The following CNKSR2 variants were observed in gnomAD, a reference collection of about 807,000 sequenced individuals.
CNKSR2 encodes CNK homolog protein 2.
In CNKSR2, 14 loss-of-function variants were observed where a neutral mutation model predicts 84.4. The ratio of observed to expected loss-of-function variants is 0.17; its 90% confidence interval spans 0.11 to 0.26. The LOEUF (loss-of-function observed/expected upper bound fraction) is 0.26, where lower values mean the gene tolerates loss of function less well. Ranked by LOEUF, CNKSR2 falls within the 10% of genes least tolerant of loss-of-function variation. The pLI is 1.00. For synonymous variants in CNKSR2, 275 were observed against 277.9 expected (o/e 0.99, Z 0.10); for missense variants, 485 against 771.2 (o/e 0.63, Z 4.40).
intron 20 of CNKSR2, chrX:21,645,086 C>A (rs529455073): frequency 9.0e-6 from 1 of 111,450 alleles, no homozygotes; most frequent in South Asian, 3.8e-4. Context: ...TCATAGGCAA[C>A]CTGAAAAAGA....
chrX:21,606,855 T>C lies in CNKSR2; in HGVS notation c.2121T>C (p.Tyr707=). The C allele has an allele frequency of 8.5e-7, 1 of 1,181,316 alleles. No homozygotes were observed. The highest frequency in any genetic ancestry group is 1.1e-6 in the Non-Finnish European group (1 of 871,389). ...TPKQDSPPPP[Y]DTYPRPPSMS... is the part of the protein sequence containing the mutation. The stretch of plus-strand genomic sequence containing the variant: ...AACAAGATAGCCCTCCACCCCCATA[T>C]GATACATACCCACGACCTCCCTCGG... Residue 707 remains tyrosine (Y), a synonymous_variant, in exon 19 of 22, where the codon TAT becomes TAC. Transcript: ENST00000379510.
intron 11 of CNKSR2, among the ~76,000 whole-genome samples, chrX:21,539,502 G>GT (rs11437274): frequency 0.16 from 17,048 of 108,970 alleles, 3,220 homozygotes; most frequent in African/African-American, 0.53. Context: ...ATTTCATACA[G>GT]TTTTTTTTTC....
chrX:21,474,859 T>C (rs1228619463), intron 5 of CNKSR2, among the ~76,000 whole-genome samples: 1 of 112,201 alleles, frequency 8.9e-6, no homozygotes, highest in East Asian at 2.8e-4. Context: ...AAAAAAGCAG[T>C]GTATTTATAG....
intron 9 of CNKSR2, among the ~76,000 whole-genome samples, chrX:21,524,830 T>C (rs2091819222): frequency 9.0e-6 from 1 of 111,125 alleles, no homozygotes; most frequent in South Asian, 3.7e-4. Flanking sequence ...TTTAAATGCT[T>C]ATGTTTTTAG....
intron 4 of CNKSR2, among the ~76,000 whole-genome samples, chrX:21,458,526 C>T (rs2091021143): frequency 8.9e-6 from 1 of 112,001 alleles, no homozygotes; most frequent in Non-Finnish European, 1.9e-5. Context: ...AGTCCCTCTC[C>T]CCTATGGAAA....
In CNKSR2 at chrX:21,501,558, T is replaced by C; in HGVS notation, c.780T>C (p.Asp260=). Reference sequence around the variant, plus strand: ...GGTGCAAGAAAATCCATGCTGGCGATGAAGTGATTCAAGTTAATCATCAGA... The same window carrying C: ...GGTGCAAGAAAATCCATGCTGGCGACGAAGTGATTCAAGTTAATCATCAGA... ...ADRCKKIHAG[D]EVIQVNHQTV... is the part of the protein sequence containing the mutation. The change falls in exon 8 of 22, where the codon GAT becomes GAC. Residue 260 remains aspartate, a synonymous_variant. Transcript: ENST00000379510. 8.5e-7 allele frequency: 1 copy of C among 1,171,614 alleles called. No individual in the cohort carries two copies.
chrX:21,504,301 TATA>T (rs761403811), intron 8 of CNKSR2: 1 of 111,694 alleles, frequency 9.0e-6, no homozygotes, highest in African/African-American at 3.2e-5. Flanking sequence ...TTGGTTATGA[TATA>T]ATAGTTACAT....
At chrX:21,572,479 A>T (rs375860763) in intron 13 of CNKSR2, among the ~76,000 whole-genome samples, 1 of 112,041 alleles carries the variant, frequency 8.9e-6, no homozygotes, top group Admixed American at 9.5e-5. Flanking sequence ...TGCTATAAGG[A>T]CATACTCAAG....
Position 21,374,666 on chromosome X carries a change from G to C in CNKSR2, c.-232G>C. 1.9e-6 allele frequency: 1 copy of C among 513,649 alleles called. No homozygotes were observed. Among genetic ancestry groups the C allele is most frequent in the South Asian group, 2.6e-5 (1 of 39,061 alleles). 42.3% of individuals were successfully genotyped at this position (513,649 alleles called of 1,213,427 possible). On this transcript the variant is annotated 5_prime_UTR_variant, in exon 1 of 22. Transcript: ENST00000379510. ...CCGCCGCCTTAGCGGGAACTGAGCA[G>C]ACCCGGCGCGGAGCCACGACTCCTG...
chrX:21,419,864 A>G (rs918523015), intron 1 of CNKSR2, among the ~76,000 whole-genome samples: 1 of 111,889 alleles, frequency 8.9e-6, no homozygotes, highest in Non-Finnish European at 1.9e-5. Flanking sequence ...ACAGCACTAC[A>G]TCTTGCTCAA....
chrX:21,591,689 T>C (rs2092421548), intron 15 of CNKSR2: 2 of 110,376 alleles, frequency 1.8e-5, no homozygotes, highest in African/African-American at 6.6e-5. Flanking sequence ...TCTGCAAGTA[T>C]TCATTTCACT....
chrX:21,444,286 G>A (rs2090822821), intron 4 of CNKSR2, among the ~76,000 whole-genome samples: 1 of 111,093 alleles, frequency 9.0e-6, no homozygotes, highest in Non-Finnish European at 1.9e-5. Flanking sequence ...ATTGATTATA[G>A]ATATTATATT....
rs185004768 is a variant in CNKSR2, at chrX:21,524,269, A to G, written c.958-2598A>G. The stretch of plus-strand genomic sequence containing the variant: ...AATAAAATAACAAGCCAGATGAGTT[A>G]AGCAATAGGATTGACTAATTTCTTT... On this transcript the variant is annotated intron_variant, in intron 9 of 21. Transcript: ENST00000379510. Among the ~76,000 whole-genome samples the G allele has an allele frequency of 2.5e-4, 28 of 111,270 alleles. No individual in the cohort carries two copies. In the East Asian group the frequency reaches 7.9e-3, roughly 31 times the overall value.
chrX:21,647,408 A>G (rs2092709291), intron 20 of CNKSR2, among the ~76,000 whole-genome samples: 1 of 112,142 alleles, frequency 8.9e-6, no homozygotes, highest in Non-Finnish European at 1.9e-5. Flanking sequence ...ATAGTTTTAG[A>G]TACAGTCATT....
At chrX:21,641,698 T>C in intron 20 of CNKSR2, 10 of 1,094,724 alleles carry the variant, frequency 9.1e-6, no homozygotes, top group South Asian at 2.5e-5. Flanking sequence ...TGCAAGCAAC[T>C]AAAATGGCCT....
Position 21,374,739 on chromosome X carries a change from C to G in CNKSR2, c.-159C>G, listed in dbSNP as rs2089780567. Reference sequence around the variant, plus strand: ...TTCCTGCCGGCGGTTGGCTAAAAGACGTTACAGCCGCGAGACCCGACACAC... The same window carrying G: ...TTCCTGCCGGCGGTTGGCTAAAAGAGGTTACAGCCGCGAGACCCGACACAC... On this transcript the variant is annotated 5_prime_UTR_variant, in exon 1 of 22. Transcript: ENST00000379510. 3 of 516,350 alleles carry G rather than the reference C, an allele frequency of 5.8e-6. No homozygotes were observed. The highest frequency in any genetic ancestry group is 1.0e-5 in the Non-Finnish European group (3 of 288,064). 42.6% of individuals were successfully genotyped at this position (516,350 alleles called of 1,213,427 possible).
intron 4 of CNKSR2, among the ~76,000 whole-genome samples, chrX:21,446,990 A>C (rs781688163): frequency 9.0e-6 from 1 of 111,435 alleles, no homozygotes; most frequent in East Asian, 2.8e-4. Context: ...CTCCCATTTC[A>C]TCAGCTTGCC....
At chrX:21,593,426 T>G in intron 15 of CNKSR2, 1 of 111,577 alleles carries the variant, frequency 9.0e-6, no homozygotes, top group Non-Finnish European at 1.9e-5. Flanking sequence ...CGAGAACTCT[T>G]TTTTTCCTCT....
intron 20 of CNKSR2, among the ~76,000 whole-genome samples, chrX:21,625,565 T>C (rs1254229038): frequency 8.9e-6 from 1 of 112,174 alleles, no homozygotes; most frequent in Non-Finnish European, 1.9e-5. Context: ...AGATTTTGTC[T>C]TACCTCATCT....
Sources: allele counts gnomAD v4.1 joint callset (sites outside exome capture counted in the v4.1 genomes callset), GRCh38; gene constraint gnomAD v4.1.1; transcripts MANE v1.5; gene names NCBI Gene and HGNC (gene_info 2026-07-23, HGNC 2026-07-21).